Variants in SETD5 observed in about 807,000 individuals in gnomAD.
SETD5 encodes the protein histone-lysine N-methyltransferase SETD5.
SETD5 carries 44 observed loss-of-function variants against 153.3 expected under a neutral mutation model. The observed-to-expected ratio is 0.29, with a 90% CI of 0.23 to 0.37. The LOEUF is 0.37. Among genes scored for constraint, SETD5 ranks in the 10% least tolerant of loss-of-function variants. The pLI is 1.00. For missense variants in SETD5, 1,544 were observed against 1,768.0 expected, an observed-to-expected ratio of 0.87 and a Z score of 2.27; for synonymous variants, 716 against 645.2, an observed-to-expected ratio of 1.11 and a Z score of -1.66.
rs2044341423 is a variant in SETD5 at position 9,464,590 on chromosome 3, G to A, written c.2642G>A (p.Cys881Tyr). ...PGSSHPGEEE[C>Y]RNGYSLMFSP... The stretch of plus-strand genomic sequence containing the variant: ...TCATCTCACCCAGGAGAAGAGGAGT[G>A]TCGAAATGGATACAGCCTCATGTTT... The change falls in exon 18 of 23, where the codon TGT (cysteine) becomes TAT (tyrosine). Residue 881 changes from cysteine to tyrosine, a missense_variant. Physicochemically the swap from Cys to Tyr is radical, Grantham distance 194 (BLOSUM62 -2). Transcript: ENST00000402198. 28 of 1,613,980 alleles carry A rather than the reference G, an allele frequency of 1.7e-5. No individual in the cohort carries two copies. The highest frequency in any genetic ancestry group is 2.3e-5 in the Non-Finnish European group (27 of 1,179,898).
chr3:9,445,528 T>C (rs1236513792), intron 12 of SETD5, 129 bp from the exon 13 acceptor site: 1 of 898,364 alleles, frequency 1.1e-6, no homozygotes, highest in African/African-American at 1.7e-5. Context: ...GTGTTTACCA[T>C]GTGGCCTCAC....
chr3:9,447,916 C>G lies in SETD5; in HGVS notation c.2013C>G (p.Asn671Lys), dbSNP rs755656851. Residue 671 changes from asparagine to lysine, a missense_variant, in exon 15 of 23, where the codon AAC (asparagine) becomes AAG (lysine). Transcript: ENST00000402198. ...EAGSLDSSGE[N>K]RPLTGSDPTV... Reference sequence around the variant, plus strand: ...GAAGTCTAGACAGTTCAGGAGAAAACAGGCCATTAACAGGGTCTGACCCAA... The same window carrying G: ...GAAGTCTAGACAGTTCAGGAGAAAAGAGGCCATTAACAGGGTCTGACCCAA... The G allele has an allele frequency of 4.3e-6, 7 of 1,613,960 alleles. No individual in the cohort carries two copies. Among genetic ancestry groups the G allele is most frequent in the African/African-American group, 1.3e-5 (1 of 75,036 alleles).
At chr3:9,425,563 C>T (rs1430478137) in intron 2 of SETD5, among the ~76,000 whole-genome samples, 9 of 145,706 alleles carry the variant, frequency 6.2e-5, no homozygotes, top group African/African-American at 2.3e-4. Context: ...TGTCTTTTAT[C>T]TAGAAACTGT....
intron 11 of SETD5, among the ~76,000 whole-genome samples, chr3:9,444,339 C>G (rs1007490712): frequency 1.3e-5 from 2 of 152,004 alleles, no homozygotes; most frequent in South Asian, 4.1e-4. Context: ...AGATGTTCTG[C>G]TTAATTCATC....
At chr3:9,456,857 T>G (rs1279625662) in intron 17 of SETD5, among the ~76,000 whole-genome samples, 4 of 151,962 alleles carry the variant, frequency 2.6e-5, no homozygotes, top group Non-Finnish European at 4.4e-5. Flanking sequence ...GCACCTGTAG[T>G]CCCAGCTACT....
chr3:9,413,785 GTTTTGTTTTT>G (rs2036992633), intron 1 of SETD5, among the ~76,000 whole-genome samples: 2 of 151,458 alleles, frequency 1.3e-5, no homozygotes, highest in African/African-American at 4.9e-5. Context: ...GTTTTGTTTT[GTTTTGTTTTT>G]GAGACGGAGT....
At chr3:9,436,747 A>G (rs1306098736) in intron 7 of SETD5, 4 of 988,096 alleles carry the variant, frequency 4.0e-6, no homozygotes, top group Non-Finnish European at 6.1e-6. Context: ...AGGGGGACAG[A>G]ATAGAACACT....
Position 9,474,527 on chromosome 3 carries a change from C to T in SETD5, c.3576C>T (p.Ala1192=). The change falls in exon 21 of 23, where the codon GCC becomes GCT. Residue 1192 remains alanine, a synonymous_variant. Coordinates refer to ENST00000402198, the MANE Select transcript of SETD5 (RefSeq NM_001080517.3). ...TCCTCCGAAGCAGCGTGAGGGTGGC[C>T]CAAAAGGGAGAGCCCTCTCCCACAT... The part of the protein sequence containing the change: ...PKVLRSSVRV[A]QKGEPSPTWE... 6.2e-7 allele frequency: 1 copy of T among 1,613,734 alleles called. No homozygotes were observed. The highest frequency in any genetic ancestry group is 8.5e-7 in the Non-Finnish European group (1 of 1,179,824).
At chr3:9,437,241 G>T (rs2040678448) in intron 7 of SETD5, among the ~76,000 whole-genome samples, 1 of 152,104 alleles carries the variant, frequency 6.6e-6, no homozygotes, top group Non-Finnish European at 1.5e-5. Context: ...GATCTCTTGT[G>T]CATCTACCCT....
At chr3:9,440,084 A>G (rs974798220) in intron 7 of SETD5, among the ~76,000 whole-genome samples, 2 of 152,240 alleles carry the variant, frequency 1.3e-5, no homozygotes. Flanking sequence ...TGAGGTCTCT[A>G]CTGTTCATTT....
rs562301351 is a variant in SETD5 at position 9,476,710 on chromosome 3, A to G, written c.*619A>G. ...ATAGTAAAGCTTGGAACCTGCACCA[A>G]CTGGAGGGTGCCTGGCTCTTTGAAG... On this transcript the variant is annotated 3_prime_UTR_variant, in exon 23 of 23. Coordinates refer to ENST00000402198, the MANE Select transcript of SETD5 (RefSeq NM_001080517.3). The G allele has an allele frequency of 3.9e-5, 6 of 152,770 alleles. No individual in the cohort carries two copies. Among genetic ancestry groups the G allele is most frequent in the African/African-American group, 1.4e-4 (6 of 41,564 alleles). The allele number at this position is 152,770 out of a possible 1,614,324, so 9.5% of individuals were successfully genotyped here. A position where few individuals can be genotyped will look rare whatever the true frequency, so the allele number is the denominator to read the frequency against.
chr3:9,465,669 G>A lies in SETD5; in HGVS notation c.2724+997G>A, dbSNP rs577468836. ...GAGGCAGCTAGCAACATTGAAAGCA[G>A]AACTGTATTCTTTCTTACCCTAGAC... On this transcript the variant is annotated intron_variant, in intron 18 of 22. Coordinates refer to ENST00000402198, the MANE Select transcript of SETD5 (RefSeq NM_001080517.3). Among the ~76,000 whole-genome samples, 31 of 152,300 alleles carry A rather than the reference G, an allele frequency of 2.0e-4. No homozygotes were observed. The South Asian group carries it at 6.2e-3, about 31-fold the overall frequency.
chr3:9,426,381 G>A (rs1181538970), intron 2 of SETD5, among the ~76,000 whole-genome samples: 5 of 149,586 alleles, frequency 3.3e-5, no homozygotes, highest in Non-Finnish European at 7.4e-5. Context: ...GACTACAGGT[G>A]CATGCCACCA....
At chr3:9,455,013 A>G (rs1322411567) in intron 17 of SETD5, among the ~76,000 whole-genome samples, 1 of 152,176 alleles carries the variant, frequency 6.6e-6, no homozygotes, top group Non-Finnish European at 1.5e-5. Context: ...AACTTGCTGA[A>G]TAAATGTAAT....
At chr3:9,421,431 CCTGGCCT>C in intron 1 of SETD5, among the ~76,000 whole-genome samples, 1 of 152,188 alleles carries the variant, frequency 6.6e-6, no homozygotes, top group Non-Finnish European at 1.5e-5. Flanking sequence ...AGCCACCGCA[CCTGGCCT>C]CTAAGAGTGC....
chr3:9,464,402 C>G, intron 17 of SETD5, 23 bp from the exon 18 acceptor site: 1 of 1,597,768 alleles, frequency 6.3e-7, no homozygotes. Context: ...TTCAAACTCT[C>G]ATCCAAGCTT....
At chr3:9,470,959 T>G (rs1366171512) in intron 19 of SETD5, 30 bp downstream of exon 19, 1 of 1,235,156 alleles carries the variant, frequency 8.1e-7, no homozygotes. Context: ...TCGGCGAACT[T>G]TTCAAGAATG....
intron 19 of SETD5, among the ~76,000 whole-genome samples, chr3:9,472,800 G>A (rs1453682414): frequency 6.6e-6 from 1 of 151,884 alleles, no homozygotes. Context: ...GGTTCCCAAG[G>A]AGTACAGAAC....
chr3:9,476,649 T>C lies in SETD5; in HGVS notation c.*558T>C, dbSNP rs2045870591. 1 of 153,110 alleles carries C rather than the reference T, an allele frequency of 6.5e-6. No homozygotes were observed. Among genetic ancestry groups the C allele is most frequent in the African/African-American group, 2.4e-5 (1 of 41,446 alleles). The allele number at this position is 153,110 out of a possible 1,614,324, so 9.5% of individuals were successfully genotyped here. ...ATGTGTGTCCACCAAGAATACTGTT[T>C]ATCTTTGTCTTAAGATCACCAAGAA... is the stretch of plus-strand genomic sequence containing the variant. On this transcript the variant is annotated 3_prime_UTR_variant, in exon 23 of 23. Coordinates refer to ENST00000402198, the MANE Select transcript of SETD5 (RefSeq NM_001080517.3).
Sources: gnomAD v4.1 joint callset for allele counts (sites outside exome capture counted in the v4.1 genomes callset) on GRCh38, gnomAD v4.1.1 for gene constraint, MANE v1.5 for transcripts, NCBI Gene and HGNC (gene_info 2026-07-23, HGNC 2026-07-21) for gene names.